TMEM132D: variants seen among roughly 807,000 people sequenced by gnomAD.
TMEM132D encodes the protein mature OL transmembrane protein.
TMEM132D carries 21 observed loss-of-function variants against 62.3 expected under a neutral mutation model. The ratio of observed to expected loss-of-function variants is 0.34; its 90% confidence interval spans 0.24 to 0.49. The LOEUF is 0.49. Among genes scored for constraint, TMEM132D ranks in the 20% least tolerant of loss-of-function variants. The pLI, the probability that TMEM132D is intolerant of heterozygous loss-of-function variation, is 0.99. For missense variants in TMEM132D, 1,346 were observed against 1,402.8 expected (o/e 0.96, Z 0.65); for synonymous variants, 621 against 575.6 (o/e 1.08, Z -1.13).
intron 2 of TMEM132D, among the ~76,000 whole-genome samples, chr12:129,562,450 A>G (rs1015755337): frequency 6.6e-6 from 1 of 152,142 alleles, no homozygotes; most frequent in East Asian, 1.9e-4. Context: ...GTCAACAGAG[A>G]ACAGATTCAA....
At chr12:129,862,144 T>C (rs1873920262) in intron 1 of TMEM132D, among the ~76,000 whole-genome samples, 1 of 152,210 alleles carries the variant, frequency 6.6e-6, no homozygotes, top group African/African-American at 2.4e-5. Flanking sequence ...GTGATACTCT[T>C]TCTCCTTTGC....
At chr12:129,728,549 C>T (rs551556976) in intron 1 of TMEM132D, among the ~76,000 whole-genome samples, 10 of 152,152 alleles carry the variant, frequency 6.6e-5, no homozygotes, top group Non-Finnish European at 1.2e-4. Context: ...GCCTGCAGGG[C>T]GTGAGTCTCA....
chr12:129,448,808 T>C (rs1303251429), intron 3 of TMEM132D, among the ~76,000 whole-genome samples: 1 of 152,242 alleles, frequency 6.6e-6, no homozygotes. Context: ...GCTCATCTGA[T>C]GCTCCAAGCC....
intron 4 of TMEM132D, among the ~76,000 whole-genome samples, chr12:129,231,381 T>C (rs1245450423): frequency 2.6e-5 from 4 of 152,210 alleles, no homozygotes; most frequent in Admixed American, 2.6e-4. Flanking sequence ...TGGGTCCCTG[T>C]GCATATCTCC....
At chr12:129,490,423 C>CTT (rs11311745) in intron 3 of TMEM132D, among the ~76,000 whole-genome samples, 773 of 58,444 alleles carry the variant, frequency 0.013, 4 homozygotes, top group East Asian at 0.02. Flanking sequence ...ATTTCCTTTC[C>CTT]TTTTTTTTTT....
chr12:129,563,003 A>G (rs1362641798), intron 2 of TMEM132D, among the ~76,000 whole-genome samples: 1 of 152,184 alleles, frequency 6.6e-6, no homozygotes, highest in African/African-American at 2.4e-5. Context: ...CTAATTTATC[A>G]CAGGAAACAG....
intron 3 of TMEM132D, among the ~76,000 whole-genome samples, chr12:129,426,424 C>T (rs1372164891): frequency 6.6e-6 from 1 of 151,310 alleles, no homozygotes; most frequent in East Asian, 2.0e-4. Flanking sequence ...TTCTCCTGCA[C>T]ACATTCAGGA....
At chr12:129,247,378 G>A (rs560186166) in intron 4 of TMEM132D, among the ~76,000 whole-genome samples, 94 of 152,242 alleles carry the variant, frequency 6.2e-4, no homozygotes, top group South Asian at 4.4e-3. Context: ...CGCCCAACTT[G>A]TCCCTCTCTG....
intron 3 of TMEM132D, among the ~76,000 whole-genome samples, chr12:129,468,724 T>C (rs1874000518): frequency 6.6e-6 from 1 of 152,232 alleles, no homozygotes; most frequent in Non-Finnish European, 1.5e-5. Flanking sequence ...GTCTCTCTAC[T>C]TCGTAAGATA....
At chr12:129,181,702 G>T (rs1437757949) in intron 5 of TMEM132D, among the ~76,000 whole-genome samples, 1 of 152,124 alleles carries the variant, frequency 6.6e-6, no homozygotes, top group African/African-American at 2.4e-5. Flanking sequence ...TGTGAAAGCT[G>T]TTTCCTCTGC....
At chr12:129,403,769 G>A (rs529179819) in intron 3 of TMEM132D, among the ~76,000 whole-genome samples, 1 of 152,154 alleles carries the variant, frequency 6.6e-6, no homozygotes, top group Non-Finnish European at 1.5e-5. Context: ...CATGTATGAA[G>A]AAGAAAGGGA....
At position 129,806,681 on chromosome 12, in the gene TMEM132D, C is replaced by T. The variant is rs532589803; in HGVS notation, c.79+96580G>A. ...CACAATGTGCACATGTACCCTAAAA[C>T]TTAAAGCATAATAATAAAAGAAAAA... On this transcript the variant is annotated intron_variant, in intron 1 of 8. Transcript: ENST00000422113. 4.6e-5 allele frequency among the ~76,000 whole-genome samples: 7 copies of T among 151,638 alleles called. No individual in the cohort carries two copies. In the East Asian group the frequency reaches 1.2e-3, roughly 25 times the overall value.
intron 4 of TMEM132D, among the ~76,000 whole-genome samples, chr12:129,299,419 A>G (rs931757251): frequency 1.7e-5 from 2 of 119,196 alleles, no homozygotes; most frequent in Non-Finnish European, 3.7e-5. Context: ...ACATAGTTGA[A>G]CTTTTTTTTT....
At chr12:129,505,570 G>GT (rs896592883) in intron 3 of TMEM132D, among the ~76,000 whole-genome samples, 2 of 152,032 alleles carry the variant, frequency 1.3e-5, no homozygotes, top group African/African-American at 2.4e-5. Flanking sequence ...TAAGTCCATT[G>GT]TTTTTTTGTT....
chr12:129,253,717 C>T (rs1363056048), intron 4 of TMEM132D, among the ~76,000 whole-genome samples: 1 of 152,146 alleles, frequency 6.6e-6, no homozygotes, highest in East Asian at 1.9e-4. Flanking sequence ...TATCTGGGGG[C>T]TGCCTTTCTC....
intron 3 of TMEM132D, among the ~76,000 whole-genome samples, chr12:129,400,979 G>A (rs1471212840): frequency 6.6e-6 from 1 of 152,144 alleles, no homozygotes; most frequent in Non-Finnish European, 1.5e-5. Context: ...GTGTCCATTT[G>A]TGGCCCTGGA....
intron 3 of TMEM132D, among the ~76,000 whole-genome samples, chr12:129,529,284 G>T (rs1026371940): frequency 2.0e-5 from 3 of 152,200 alleles, no homozygotes; most frequent in Non-Finnish European, 4.4e-5. Context: ...CAGGGTCCTC[G>T]TTTCTTAAAG....
chr12:129,692,164 A>G (rs1202080205), intron 2 of TMEM132D, among the ~76,000 whole-genome samples: 1 of 152,188 alleles, frequency 6.6e-6, no homozygotes, highest in Non-Finnish European at 1.5e-5. Flanking sequence ...TCTCAGTAAT[A>G]TGAGTATTAA....
intron 1 of TMEM132D, among the ~76,000 whole-genome samples, chr12:129,890,621 C>A (rs925432405): frequency 3.9e-5 from 6 of 152,184 alleles, no homozygotes; most frequent in Non-Finnish European, 8.8e-5. Flanking sequence ...TACACGAAAG[C>A]CAAAAATGTC....
Sources: allele counts gnomAD v4.1 joint callset (sites outside exome capture counted in the v4.1 genomes callset), GRCh38; gene constraint gnomAD v4.1.1; transcripts MANE v1.5; gene names NCBI Gene and HGNC (gene_info 2026-07-23, HGNC 2026-07-21).